The following DLGAP2 variants were observed in gnomAD, a reference collection of about 807,000 sequenced individuals.
DLGAP2 encodes DLG associated protein 2.
A neutral mutation model predicts 100.3 loss-of-function variants in DLGAP2; 26 were observed. The observed-to-expected ratio is 0.26, with a 90% CI of 0.19 to 0.36. The LOEUF (loss-of-function observed/expected upper bound fraction) is 0.36, where lower values mean the gene tolerates loss of function less well. Ranked by LOEUF, DLGAP2 falls within the 10% of genes least tolerant of loss-of-function variation. The pLI, the probability that DLGAP2 is intolerant of heterozygous loss-of-function variation, is 1.00. For missense variants in DLGAP2, 1,858 were observed against 1,453.2 expected (o/e 1.28, Z -4.53); for synonymous variants, 886 against 630.1 (o/e 1.41, Z -6.08).
rs535378394 is a variant in DLGAP2 at position 1,202,050 on chromosome 8, CTGTG to C, written c.74-56798_74-56795del. On this transcript the variant is annotated intron_variant, in intron 2 of 14. Transcript: ENST00000637795. The stretch of plus-strand genomic sequence containing the variant: ...ATGTGTGCACATGTGCAGTATCTAT[CTGTG>C]TGATGTGTGTGTATGTGTACGCCTG... 2.6e-4 allele frequency among the ~76,000 whole-genome samples: 39 copies of C among 148,530 alleles called. 2 individuals carry two copies. The South Asian group carries it at 8.3e-3, about 32-fold the overall frequency.
chr8:1,061,021 G>A (rs1473337726), intron 2 of DLGAP2, among the ~76,000 whole-genome samples: 1 of 152,178 alleles, frequency 6.6e-6, no homozygotes, highest in Admixed American at 6.5e-5. Context: ...TCTATGTTGG[G>A]CAACCATGGC....
chr8:1,290,564 C>A (rs1280364908), intron 3 of DLGAP2, among the ~76,000 whole-genome samples: 1 of 152,168 alleles, frequency 6.6e-6, no homozygotes, highest in Non-Finnish European at 1.5e-5. Flanking sequence ...CCCGCAGAGA[C>A]CTTTAGAAAC....
intron 5 of DLGAP2, among the ~76,000 whole-genome samples, chr8:1,564,981 A>G (rs962380266): frequency 1.3e-5 from 2 of 152,378 alleles, no homozygotes; most frequent in Admixed American, 1.3e-4. Flanking sequence ...GGTCTGCACC[A>G]GGCAGACATA....
intron 3 of DLGAP2, among the ~76,000 whole-genome samples, chr8:1,341,708 T>A (rs1306373933): frequency 2.6e-5 from 4 of 152,196 alleles, no homozygotes; most frequent in South Asian, 4.1e-4. Context: ...CTCTGGTGTC[T>A]CCCATCACTG....
chr8:798,125 T>G (rs1345101313), intron 1 of DLGAP2, among the ~76,000 whole-genome samples: 1 of 152,234 alleles, frequency 6.6e-6, no homozygotes, highest in Non-Finnish European at 1.5e-5. Context: ...TTCTTGTCTG[T>G]CAGCTGAAAG....
At chr8:823,521 A>C (rs551996501) in intron 1 of DLGAP2, among the ~76,000 whole-genome samples, 1 of 152,204 alleles carries the variant, frequency 6.6e-6, no homozygotes, top group African/African-American at 2.4e-5. Context: ...CTTGTTAAAA[A>C]AGAAATCAGG....
chr8:1,155,374 G>A (rs1322965526), intron 2 of DLGAP2, among the ~76,000 whole-genome samples: 2 of 152,202 alleles, frequency 1.3e-5, no homozygotes, highest in Admixed American at 1.3e-4. Context: ...GGTCTCCCCG[G>A]ATGGTCTCCG....
chr8:1,479,464 A>G (rs769537747), intron 3 of DLGAP2, among the ~76,000 whole-genome samples: 2 of 152,240 alleles, frequency 1.3e-5, no homozygotes, highest in Admixed American at 6.5e-5. Context: ...TTAGCCACTA[A>G]TTAATTGCAA....
chr8:1,424,731 G>C (rs940876110), intron 3 of DLGAP2, among the ~76,000 whole-genome samples: 3 of 152,138 alleles, frequency 2.0e-5, no homozygotes, highest in Non-Finnish European at 4.4e-5. Context: ...AGGATGGTGT[G>C]ATCCCCTTAC....
chr8:1,429,755 A>AT (rs1281835818), intron 3 of DLGAP2, among the ~76,000 whole-genome samples: 1 of 151,194 alleles, frequency 6.6e-6, no homozygotes, highest in Non-Finnish European at 1.5e-5. Flanking sequence ...AGTGCTTTCC[A>AT]TTTACACATA....
In DLGAP2 at chr8:1,084,941, C is replaced by T. The variant is rs555758842; in HGVS notation, c.74-173910C>T. On this transcript the variant is annotated intron_variant, in intron 2 of 14. Coordinates refer to ENST00000637795, the MANE Select transcript of DLGAP2 (RefSeq NM_001346810.2). ...CTCTTTTTAATTCCTGAGACACCTT[C>T]GTACTGTTCTCCAGAGTGACTGTGC... Among the ~76,000 whole-genome samples, 15 of 152,200 alleles carry T rather than the reference C, an allele frequency of 9.9e-5. No homozygotes were observed. In the East Asian group the frequency reaches 1.2e-3, roughly 12 times the overall value.
intron 2 of DLGAP2, among the ~76,000 whole-genome samples, chr8:924,973 G>T (rs916547444): frequency 4.6e-5 from 7 of 152,206 alleles, no homozygotes; most frequent in Admixed American, 2.0e-4. Context: ...TGGTGAAAGT[G>T]TAGGCACGTG....
intron 4 of DLGAP2, among the ~76,000 whole-genome samples, chr8:1,506,482 T>G (rs1358873675): frequency 1.6e-4 from 25 of 152,198 alleles, no homozygotes; most frequent in Admixed American, 1.6e-3. Context: ...GGAGTGAAGC[T>G]GCAGATCTTC....
chr8:1,341,528 G>C (rs1054505937), intron 3 of DLGAP2, among the ~76,000 whole-genome samples: 1 of 152,228 alleles, frequency 6.6e-6, no homozygotes, highest in African/African-American at 2.4e-5. Context: ...GGATGAGTTA[G>C]TTGAAGCCAT....
rs184548830 is a variant in DLGAP2 at position 1,347,864 on chromosome 8, T to G, written c.106+88981T>G. ...GATTGAGTTCCCATACAGAGCTACA[T>G]TGCACTCATGGTAGCTGTGTGGAGG... On this transcript the variant is annotated intron_variant, in intron 3 of 14. Transcript: ENST00000637795. Among the ~76,000 whole-genome samples the G allele has an allele frequency of 6.9e-3, 1,019 of 147,740 alleles. 8 individuals carry two copies. Among genetic ancestry groups the G allele is most frequent in the Non-Finnish European group, 0.012 (791 of 66,164 alleles).
intron 3 of DLGAP2, among the ~76,000 whole-genome samples, chr8:1,497,055 A>G (rs951779749): frequency 1.3e-5 from 2 of 152,296 alleles, no homozygotes; most frequent in Middle Eastern, 3.4e-3. Flanking sequence ...CCAGCAGATG[A>G]GAAAGGTGAC....
intron 2 of DLGAP2, among the ~76,000 whole-genome samples, chr8:1,065,585 C>T (rs956995309): frequency 6.6e-6 from 1 of 152,190 alleles, no homozygotes; most frequent in Non-Finnish European, 1.5e-5. Flanking sequence ...TTAAGAATGA[C>T]ATTGTTAATT....
chr8:935,002 G>A (rs531155130), intron 2 of DLGAP2, among the ~76,000 whole-genome samples: 1 of 152,132 alleles, frequency 6.6e-6, no homozygotes, highest in Non-Finnish European at 1.5e-5. Flanking sequence ...TTGTAGGAAC[G>A]TGTATTACTC....
chr8:1,314,058 C>A (rs145063443), intron 3 of DLGAP2, among the ~76,000 whole-genome samples: 334 of 152,318 alleles, frequency 2.2e-3, no homozygotes, highest in African/African-American at 7.7e-3. Context: ...ACACGCTTTT[C>A]AGTTATCCAC....
Sources: allele counts gnomAD v4.1 joint callset (sites outside exome capture counted in the v4.1 genomes callset), GRCh38; gene constraint gnomAD v4.1.1; transcripts MANE v1.5; gene names NCBI Gene and HGNC (gene_info 2026-07-23, HGNC 2026-07-21).